NOX4: variants seen among roughly 807,000 people sequenced by gnomAD.
NOX4 encodes the protein kidney oxidase-1.
NOX4 carries 69 observed loss-of-function variants against 87.6 expected under a neutral mutation model. That is an observed-to-expected ratio of 0.79 (90% CI 0.65 to 0.96). NOX4 has a LOEUF of 0.96. Ranked by LOEUF, NOX4 falls within the 40% of genes least tolerant of loss-of-function variation. NOX4 has a pLI of 0.00. For missense variants in NOX4, 680 were observed against 681.5 expected (o/e 1.00, Z 0.02); for synonymous variants, 275 against 238.2 (o/e 1.15, Z -1.42).
intron 11 of NOX4, among the ~76,000 whole-genome samples, chr11:89,382,088 C>T (rs1168824008): frequency 1.3e-5 from 2 of 152,086 alleles, no homozygotes; most frequent in East Asian, 1.9e-4. Context: ...GTCTGATCAC[C>T]GCAGGGACTC....
chr11:89,427,525 T>A (rs1437325401), intron 7 of NOX4, among the ~76,000 whole-genome samples: 2 of 152,066 alleles, frequency 1.3e-5, no homozygotes, highest in Non-Finnish European at 1.5e-5. Flanking sequence ...GAGAAGTCCT[T>A]AAATGACCTG....
intron 2 of NOX4, among the ~76,000 whole-genome samples, chr11:89,467,349 C>CAAAAAAAAA (rs71052233): frequency 1.8e-4 from 11 of 61,460 alleles, no homozygotes; most frequent in African/African-American, 4.5e-4. Context: ...AAACTCGTCA[C>CAAAAAAAAA]AAAAAAAAAA....
At chr11:89,368,298 G>A (rs1272479653) in intron 12 of NOX4, among the ~76,000 whole-genome samples, 1 of 152,020 alleles carries the variant, frequency 6.6e-6, no homozygotes, top group Non-Finnish European at 1.5e-5. Context: ...CAGGTCTAAT[G>A]ATAGATAAAT....
At position 89,429,146 on chromosome 11, in the gene NOX4, A is replaced by G. The variant is rs546051108; in HGVS notation, c.548+3638T>C. Among the ~76,000 whole-genome samples, 88 of 152,268 alleles carry G rather than the reference A, an allele frequency of 5.8e-4. No homozygotes were observed. The East Asian group carries it at 0.015, about 26-fold the overall frequency. On this transcript the variant is annotated intron_variant, in intron 7 of 17. Transcript: ENST00000263317. ...ACAAAATGAAGGCAGAAATAAAGAT[A>G]TTCTTTGAAAACAATGAGAAAAAAG...
intron 2 of NOX4, among the ~76,000 whole-genome samples, chr11:89,488,121 A>G (rs943036436): frequency 2.0e-5 from 3 of 152,120 alleles, no homozygotes; most frequent in African/African-American, 7.2e-5. Flanking sequence ...CTCTTGGTAA[A>G]ATGGAGAATA....
At chr11:89,412,708 C>A (rs1190038918) in intron 8 of NOX4, among the ~76,000 whole-genome samples, 2 of 152,126 alleles carry the variant, frequency 1.3e-5, no homozygotes, top group East Asian at 1.9e-4. Flanking sequence ...TAATCTAAGA[C>A]CTGAAACTAT....
intron 17 of NOX4, among the ~76,000 whole-genome samples, chr11:89,330,495 C>G (rs1379506132): frequency 6.6e-6 from 1 of 151,960 alleles, no homozygotes; most frequent in Non-Finnish European, 1.5e-5. Context: ...ATAGCTAGGT[C>G]TCCCCATCCC....
intron 8 of NOX4, among the ~76,000 whole-genome samples, chr11:89,404,269 A>G (rs988140206): frequency 6.8e-6 from 1 of 146,482 alleles, no homozygotes; most frequent in Non-Finnish European, 1.5e-5. Context: ...CATCGGAAGG[A>G]TAGTGACTGA....
upstream of NOX4, among the ~76,000 whole-genome samples, chr11:89,499,743 A>G (rs1565360117): frequency 6.6e-6 from 1 of 152,190 alleles, no homozygotes; most frequent in Admixed American, 6.6e-5. Context: ...TGTCTTCCCC[A>G]TGGGAATCAG....
intron 2 of NOX4, among the ~76,000 whole-genome samples, chr11:89,486,290 A>AATTTATTTATTTAAATATTTATTTATTT (rs1946591867): frequency 6.8e-6 from 1 of 147,870 alleles, no homozygotes; most frequent in Non-Finnish European, 1.5e-5. Context: ...TAAATAAATA[A>AATTTATTTATTTAAATATTTATTTATTT]ATTTATTTAT....
chr11:89,554,739 T>C, the NOX4 span, among the ~76,000 whole-genome samples: 4 of 152,262 alleles, frequency 2.6e-5, no homozygotes, highest in East Asian at 7.7e-4. Flanking sequence ...TGACATTTAG[T>C]TAGCAATCGG....
intron 12 of NOX4, among the ~76,000 whole-genome samples, chr11:89,368,099 T>C (rs1427751903): frequency 2.0e-5 from 3 of 151,978 alleles, no homozygotes; most frequent in Non-Finnish European, 4.4e-5. Flanking sequence ...ATCATTCAAA[T>C]AAGTGTATAA....
chr11:89,427,661 T>G (rs1262591950), intron 7 of NOX4, among the ~76,000 whole-genome samples: 1 of 150,718 alleles, frequency 6.6e-6, no homozygotes, highest in Non-Finnish European at 1.5e-5. Context: ...GTGAGAAGAG[T>G]TTAGAGAGAA....
the NOX4 span, among the ~76,000 whole-genome samples, chr11:89,584,284 G>C: frequency 6.6e-6 from 1 of 152,030 alleles, no homozygotes; most frequent in Non-Finnish European, 1.5e-5. Context: ...ATCACCGAAG[G>C]TTGCTCACTG....
chr11:89,406,152 T>C (rs1489555038), intron 8 of NOX4, among the ~76,000 whole-genome samples: 1 of 152,132 alleles, frequency 6.6e-6, no homozygotes, highest in Non-Finnish European at 1.5e-5. Flanking sequence ...CAGAATTTCT[T>C]AGAATTCTTA....
chr11:89,353,969 T>A (rs1335557606), intron 13 of NOX4, among the ~76,000 whole-genome samples: 1 of 152,202 alleles, frequency 6.6e-6, no homozygotes, highest in Non-Finnish European at 1.5e-5. Flanking sequence ...GGATTAAAAT[T>A]TGAAACAATG....
chr11:89,475,177 TA>T (rs1946113449), intron 2 of NOX4, among the ~76,000 whole-genome samples: 1 of 151,910 alleles, frequency 6.6e-6, no homozygotes, highest in Admixed American at 6.6e-5. Context: ...CACTGCTACT[TA>T]AAAAAATAAA....
At chr11:89,492,608 C>G (rs1946886651), upstream of NOX4, among the ~76,000 whole-genome samples, 1 of 152,166 alleles carries the variant, frequency 6.6e-6, no homozygotes, top group Non-Finnish European at 1.5e-5. Flanking sequence ...CCTGTTTTTC[C>G]TGTTTCATGC....
intron 12 of NOX4, among the ~76,000 whole-genome samples, chr11:89,365,035 C>T (rs1039768055): frequency 6.6e-6 from 1 of 152,078 alleles, no homozygotes; most frequent in Non-Finnish European, 1.5e-5. Flanking sequence ...ATATACAGTA[C>T]TCCCTTTTCT....
Sources: gnomAD v4.1 joint callset for allele counts (sites outside exome capture counted in the v4.1 genomes callset) on GRCh38, gnomAD v4.1.1 for gene constraint, MANE v1.5 for transcripts, NCBI Gene and HGNC (gene_info 2026-07-23, HGNC 2026-07-21) for gene names.